CNTN5: variants seen among roughly 807,000 people sequenced by gnomAD.
CNTN5 encodes the protein contactin-5.
Under a neutral mutation model 129.1 loss-of-function variants are expected in CNTN5, and 77 were observed. The ratio of observed to expected loss-of-function variants is 0.60; its 90% CI spans 0.50 to 0.72. CNTN5 has a LOEUF of 0.72. Among genes scored for constraint, CNTN5 ranks in the 30% least tolerant of loss-of-function variants. The probability of loss-of-function intolerance (pLI) is 0.00; values close to 1 mark genes in which losing one functional copy is unlikely to be tolerated. For synonymous variants in CNTN5, 509 were observed against 465.6 expected, an observed-to-expected ratio of 1.09 and a Z score of -1.20; for missense variants, 1,478 against 1,328.8, an observed-to-expected ratio of 1.11 and a Z score of -1.75.
chr11:99,937,814 T>G (rs1950348764), intron 7 of CNTN5, among the ~76,000 whole-genome samples: 1 of 152,214 alleles, frequency 6.6e-6, no homozygotes, highest in Non-Finnish European at 1.5e-5. Flanking sequence ...TCCTAAATGT[T>G]ACAGTGCTTC....
intron 3 of CNTN5, among the ~76,000 whole-genome samples, chr11:99,613,271 G>A (rs551743465): frequency 6.6e-6 from 1 of 152,308 alleles, no homozygotes; most frequent in South Asian, 2.1e-4. Context: ...TCTCTGCCAT[G>A]GTGAGTTAGC....
At chr11:99,035,142 T>C (rs1863645032) in intron 1 of CNTN5, among the ~76,000 whole-genome samples, 2 of 151,624 alleles carry the variant, frequency 1.3e-5, no homozygotes, top group Non-Finnish European at 2.9e-5. Context: ...AGATAGTTTG[T>C]TATAATTTCT....
chr11:99,485,719 T>G (rs1341045617), intron 2 of CNTN5, among the ~76,000 whole-genome samples: 1 of 152,056 alleles, frequency 6.6e-6, no homozygotes, highest in Non-Finnish European at 1.5e-5. Context: ...AAAAAACCCC[T>G]GAATTTCTGT....
At chr11:99,345,943 A>ATTTT (rs1937826606) in intron 2 of CNTN5, among the ~76,000 whole-genome samples, 1 of 152,218 alleles carries the variant, frequency 6.6e-6, no homozygotes, top group Non-Finnish European at 1.5e-5. Flanking sequence ...TACATGAGAG[A>ATTTT]TTAATTACAT....
intron 21 of CNTN5, among the ~76,000 whole-genome samples, chr11:100,320,541 TTTGA>T (rs1951669319): frequency 6.6e-6 from 1 of 152,216 alleles, no homozygotes; most frequent in South Asian, 2.1e-4. Context: ...AACTTTGTAG[TTTGA>T]TGTAATCCCA....
At chr11:99,113,491 G>A (rs919942460) in intron 1 of CNTN5, among the ~76,000 whole-genome samples, 1 of 152,054 alleles carries the variant, frequency 6.6e-6, no homozygotes, top group African/African-American at 2.4e-5. Context: ...GGTTACTACT[G>A]TTGGCAACTA....
chr11:99,256,804 C>T (rs181726981), intron 1 of CNTN5, among the ~76,000 whole-genome samples: 165 of 152,026 alleles, frequency 1.1e-3, no homozygotes, highest in African/African-American at 3.6e-3. Flanking sequence ...AAAATTATTA[C>T]GCAATACCTT....
At chr11:100,042,018 T>C (rs1942406007) in intron 9 of CNTN5, among the ~76,000 whole-genome samples, 1 of 152,180 alleles carries the variant, frequency 6.6e-6, no homozygotes, top group African/African-American at 2.4e-5. Flanking sequence ...AGGCCAATTA[T>C]TCTAATCATT....
intron 2 of CNTN5, among the ~76,000 whole-genome samples, chr11:99,360,464 C>T (rs1345917954): frequency 6.6e-6 from 1 of 152,118 alleles, no homozygotes; most frequent in Non-Finnish European, 1.5e-5. Context: ...GTGGAGGCAG[C>T]CATTTCTTAT....
intron 1 of CNTN5, among the ~76,000 whole-genome samples, chr11:99,132,222 A>C (rs909179720): frequency 1.4e-5 from 2 of 144,836 alleles, no homozygotes; most frequent in African/African-American, 2.6e-5. Context: ...AAAAAAAAAA[A>C]CTCTCAATAA....
chr11:99,094,855 T>A (rs1866403417), intron 1 of CNTN5, among the ~76,000 whole-genome samples: 1 of 151,878 alleles, frequency 6.6e-6, no homozygotes, highest in Non-Finnish European at 1.5e-5. Context: ...GAAAGGAGAT[T>A]AATGGTAAGT....
intron 2 of CNTN5, among the ~76,000 whole-genome samples, chr11:99,432,444 T>C (rs973268642): frequency 1.6e-3 from 228 of 139,876 alleles, no homozygotes; most frequent in African/African-American, 4.9e-3. Context: ...TCTTTCCTTT[T>C]CTTTTCTTTT....
intron 7 of CNTN5, among the ~76,000 whole-genome samples, chr11:99,930,732 T>G (rs948088655): frequency 3.3e-5 from 5 of 151,982 alleles, no homozygotes; most frequent in African/African-American, 1.2e-4. Context: ...TTGTCTGAAT[T>G]AAACATTTAA....
intron 3 of CNTN5, among the ~76,000 whole-genome samples, chr11:99,609,601 A>G (rs914909693): frequency 2.6e-5 from 4 of 152,124 alleles, no homozygotes; most frequent in Non-Finnish European, 5.9e-5. Context: ...TGATATGCCT[A>G]TCCTGGTTCT....
chr11:100,037,761 T>G (rs942629007), intron 9 of CNTN5, among the ~76,000 whole-genome samples: 1 of 152,154 alleles, frequency 6.6e-6, no homozygotes, highest in Non-Finnish European at 1.5e-5. Context: ...TGTGTAGAGG[T>G]GTTTATAGTA....
At chr11:99,094,788 C>G (rs1265982729) in intron 1 of CNTN5, among the ~76,000 whole-genome samples, 2 of 151,828 alleles carry the variant, frequency 1.3e-5, no homozygotes, top group Non-Finnish European at 2.9e-5. Context: ...AAAGAGCCCC[C>G]CAGTATTAGC....
At chr11:100,207,666 G>A (rs1948944890) in intron 15 of CNTN5, among the ~76,000 whole-genome samples, 1 of 152,008 alleles carries the variant, frequency 6.6e-6, no homozygotes, top group African/African-American at 2.4e-5. Context: ...TTTGAAACCT[G>A]TACTTCAATT....
intron 13 of CNTN5, among the ~76,000 whole-genome samples, chr11:100,158,889 A>G (rs1393185542): frequency 6.6e-6 from 1 of 151,954 alleles, no homozygotes; most frequent in East Asian, 1.9e-4. Flanking sequence ...CAGCACTGTT[A>G]GCACTAGCAA....
intron 2 of CNTN5, among the ~76,000 whole-genome samples, chr11:99,337,941 T>G (rs1866307998): frequency 6.6e-6 from 1 of 152,196 alleles, no homozygotes; most frequent in Admixed American, 6.5e-5. Flanking sequence ...ACTATCACAT[T>G]AAAATTGGAA....
Sources: allele counts gnomAD v4.1 joint callset (sites outside exome capture counted in the v4.1 genomes callset), GRCh38; gene constraint gnomAD v4.1.1; transcripts MANE v1.5; gene names NCBI Gene and HGNC (gene_info 2026-07-23, HGNC 2026-07-21).